The following CPEB3 variants were observed in gnomAD, a reference collection of about 807,000 sequenced individuals.
The protein encoded by CPEB3 is cytoplasmic polyadenylation element binding protein 3.
Under a neutral mutation model 67.2 loss-of-function variants are expected in CPEB3, and 20 were observed. The observed-to-expected ratio is 0.30, with a 90% CI of 0.21 to 0.43. CPEB3 has a LOEUF of 0.43. CPEB3 is among the 20% of genes least tolerant of loss of function. The probability of loss-of-function intolerance (pLI) is 1.00; values close to 1 mark genes in which losing one functional copy is unlikely to be tolerated. For missense variants in CPEB3, 746 were observed against 968.6 expected (o/e 0.77, Z 3.05); for synonymous variants, 376 against 393.1 (o/e 0.96, Z 0.51).
intron 8 of CPEB3, among the ~76,000 whole-genome samples, chr10:92,082,621 G>A (rs1274942951): frequency 6.6e-6 from 1 of 152,030 alleles, no homozygotes; most frequent in East Asian, 1.9e-4. Context: ...AACAATAAAG[G>A]TACCATTAGA....
chr10:92,157,733 A>G (rs1847273421), intron 4 of CPEB3, among the ~76,000 whole-genome samples: 2 of 152,212 alleles, frequency 1.3e-5, no homozygotes, highest in South Asian at 2.1e-4. Context: ...CAATGAATAC[A>G]GGGCAGAAAA....
chr10:92,064,910 C>T (rs150605044), intron 9 of CPEB3, among the ~76,000 whole-genome samples: 86 of 152,332 alleles, frequency 5.6e-4, no homozygotes, highest in South Asian at 1.4e-3. Context: ...AGGTATACCT[C>T]AGTAATGAGG....
chr10:92,249,671 A>T (rs1256679297), intron 1 of CPEB3, among the ~76,000 whole-genome samples: 4 of 149,284 alleles, frequency 2.7e-5, no homozygotes, highest in Non-Finnish European at 6.0e-5. Context: ...ATAAAAAAGT[A>T]AAAAAAAATT....
chr10:92,160,794 T>C (rs772858794), intron 4 of CPEB3, among the ~76,000 whole-genome samples: 25 of 152,168 alleles, frequency 1.6e-4, no homozygotes, highest in Admixed American at 2.6e-4. Context: ...CCAAGTAATA[T>C]AGATGAAGTT....
chr10:92,183,625 T>C (rs1848559587), intron 3 of CPEB3, among the ~76,000 whole-genome samples: 1 of 152,176 alleles, frequency 6.6e-6, no homozygotes, highest in South Asian at 2.1e-4. Flanking sequence ...ATAACAATGA[T>C]TAGCCAGTCA....
intron 1 of CPEB3, among the ~76,000 whole-genome samples, chr10:92,277,419 T>C (rs1410100404): frequency 3.3e-5 from 5 of 152,226 alleles, no homozygotes; most frequent in Admixed American, 1.3e-4. Flanking sequence ...TTAGATTGTT[T>C]TGGCATCCTT....
At chr10:92,193,508 A>T (rs1849082037) in intron 2 of CPEB3, among the ~76,000 whole-genome samples, 1 of 151,872 alleles carries the variant, frequency 6.6e-6, no homozygotes, top group Admixed American at 6.6e-5. Flanking sequence ...CCGAGGTTGA[A>T]GTACAGTGGT....
chr10:92,101,359 C>A (rs969755798), intron 7 of CPEB3, among the ~76,000 whole-genome samples: 4 of 152,148 alleles, frequency 2.6e-5, no homozygotes, highest in Admixed American at 2.6e-4. Flanking sequence ...CCCAATCCTA[C>A]AATCCTTTTA....
chr10:92,119,149 G>A, intron 6 of CPEB3: 2 of 1,582,596 alleles, frequency 1.3e-6, no homozygotes, highest in Non-Finnish European at 8.7e-7. Context: ...CCTCTGTAGG[G>A]CCGGCAGCCA....
chr10:92,057,770 G>C (rs1343911544), intron 9 of CPEB3, among the ~76,000 whole-genome samples: 1 of 152,230 alleles, frequency 6.6e-6, no homozygotes, highest in Non-Finnish European at 1.5e-5. Context: ...GTTCGTTTGG[G>C]AAAGTAAGGG....
intron 6 of CPEB3, among the ~76,000 whole-genome samples, chr10:92,131,947 C>T (rs1053385357): frequency 7.2e-5 from 11 of 152,104 alleles, no homozygotes; most frequent in Admixed American, 5.9e-4. Context: ...AAAATTTTTC[C>T]AGTATCTGTA....
intron 9 of CPEB3, among the ~76,000 whole-genome samples, chr10:92,063,317 T>G (rs1842428188): frequency 6.6e-6 from 1 of 152,210 alleles, no homozygotes; most frequent in African/African-American, 2.4e-5. Context: ...AGGTGCAGAA[T>G]TCCTTCTCAG....
At chr10:92,100,267 T>G (rs902282840) in intron 7 of CPEB3, among the ~76,000 whole-genome samples, 27 of 151,518 alleles carry the variant, frequency 1.8e-4, no homozygotes, top group African/African-American at 6.3e-4. Flanking sequence ...AAAACATAGG[T>G]TTTTTTTTGT....
intron 2 of CPEB3, among the ~76,000 whole-genome samples, chr10:92,229,325 C>T (rs1164064320): frequency 1.4e-4 from 22 of 152,204 alleles, no homozygotes; most frequent in Non-Finnish European, 2.9e-5. Context: ...TCAGCAGCCA[C>T]ACCCAGCCTT....
intron 9 of CPEB3, among the ~76,000 whole-genome samples, chr10:92,071,903 G>C (rs1842768013): frequency 6.6e-6 from 1 of 152,048 alleles, no homozygotes; most frequent in Non-Finnish European, 1.5e-5. Flanking sequence ...ATTTAGCAAA[G>C]CTTTTACATC....
At chr10:92,289,318 G>T (rs981861571) in intron 1 of CPEB3, among the ~76,000 whole-genome samples, 3 of 151,920 alleles carry the variant, frequency 2.0e-5, no homozygotes, top group Non-Finnish European at 4.4e-5. Flanking sequence ...CGGGCTGATC[G>T]CCTGAGGTCA....
At chr10:92,101,178 G>A (rs761691154) in intron 7 of CPEB3, among the ~76,000 whole-genome samples, 5 of 152,046 alleles carry the variant, frequency 3.3e-5, no homozygotes, top group Non-Finnish European at 7.4e-5. Flanking sequence ...TGGCCAGCTC[G>A]GGAAACCATC....
At chr10:92,088,258 T>TACTG (rs921058021) in intron 8 of CPEB3, among the ~76,000 whole-genome samples, 3 of 149,860 alleles carry the variant, frequency 2.0e-5, no homozygotes, top group African/African-American at 7.4e-5. Context: ...GATAAGGTCT[T>TACTG]ACTGTCACCC....
intron 2 of CPEB3, among the ~76,000 whole-genome samples, chr10:92,218,143 T>C (rs1392265843): frequency 1.3e-5 from 2 of 151,832 alleles, no homozygotes; most frequent in Non-Finnish European, 2.9e-5. Context: ...GCACAGTGGC[T>C]CACACCTGTA....
Sources: gnomAD v4.1 joint callset for allele counts (sites outside exome capture counted in the v4.1 genomes callset) on GRCh38, gnomAD v4.1.1 for gene constraint, MANE v1.5 for transcripts, NCBI Gene and HGNC (gene_info 2026-07-23, HGNC 2026-07-21) for gene names.